The following DSCAML1 variants were observed in gnomAD, a reference collection of about 807,000 sequenced individuals.
DSCAML1 encodes the protein cell adhesion molecule DSCAML1.
Under a neutral mutation model 200.5 loss-of-function variants are expected in DSCAML1, and 38 were observed. The observed-to-expected ratio is 0.19, with a 90% confidence interval of 0.15 to 0.25. DSCAML1 has a LOEUF of 0.25. DSCAML1 is among the 10% of genes least tolerant of loss of function. The pLI is 1.00. For missense variants in DSCAML1, 2,223 were observed against 2,858.8 expected, an observed-to-expected ratio of 0.78 and a Z score of 5.07; for synonymous variants, 1,215 against 1,165.0, an observed-to-expected ratio of 1.04 and a Z score of -0.87.
chr11:117,635,242 C>T (rs946748749), intron 3 of DSCAML1, among the ~76,000 whole-genome samples: 3 of 152,128 alleles, frequency 2.0e-5, no homozygotes, highest in East Asian at 1.9e-4. Flanking sequence ...GGAGGAGGAG[C>T]GGATGGGGAG....
intron 11 of DSCAML1, among the ~76,000 whole-genome samples, chr11:117,499,720 C>T (rs932814124): frequency 2.0e-5 from 3 of 152,206 alleles, no homozygotes; most frequent in African/African-American, 7.2e-5. Flanking sequence ...TGCTTAGGCA[C>T]TCGTGAGTTC....
intron 3 of DSCAML1, among the ~76,000 whole-genome samples, chr11:117,623,217 T>TTTTC (rs1555191540): frequency 7.9e-5 from 1 of 12,694 alleles, no homozygotes; most frequent in African/African-American, 2.8e-4. Context: ...TTTTCTTTTC[T>TTTTC]TTTTTTTTTT....
chr11:117,505,461 G>T lies in DSCAML1; in HGVS notation c.2055C>A (p.Ile685=). The change falls in exon 9 of 33, where the codon ATC becomes ATA. Residue 685 remains isoleucine, a synonymous_variant. Transcript: ENST00000651296. This position sits in a 1 kb window ranked among gnomAD's most constrained non-coding sequence, Gnocchi z 6.7. The part of the protein sequence containing the change: ...AATVSRERQL[I]VRVPPRFVVQ... ...TGGCCTGTCCCTGCTCACCACGCAC[G>T]ATGAGCTGGCGCTCCCGGCTCACGG... 1 of 1,610,324 alleles carries T rather than the reference G, an allele frequency of 6.2e-7. No individual in the cohort carries two copies.
intron 20 of DSCAML1, among the ~76,000 whole-genome samples, chr11:117,447,295 C>A (rs1023120288): frequency 6.6e-6 from 1 of 151,924 alleles, no homozygotes; most frequent in Non-Finnish European, 1.5e-5. Flanking sequence ...CACATACACA[C>A]GAAAAAATGT....
chr11:117,467,191 A>ACCC (rs1428082660), intron 16 of DSCAML1, among the ~76,000 whole-genome samples: 19 of 107,958 alleles, frequency 1.8e-4, no homozygotes, highest in African/African-American at 8.7e-4. Flanking sequence ...GCGTGCACAC[A>ACCC]CACCTCCCCC....
At chr11:117,787,765 C>G (rs2055385932) in intron 1 of DSCAML1, among the ~76,000 whole-genome samples, 2 of 152,296 alleles carry the variant, frequency 1.3e-5, no homozygotes, top group East Asian at 3.9e-4. Flanking sequence ...TTGCAGTAGC[C>G]ACACAGCTTT....
intron 3 of DSCAML1, among the ~76,000 whole-genome samples, chr11:117,536,235 G>C (rs1475150641): frequency 1.3e-5 from 2 of 152,212 alleles, no homozygotes; most frequent in African/African-American, 4.8e-5. Context: ...GGGAAGGAAG[G>C]AGCAAGAGGC....
At chr11:117,712,822 TCCTCCTTGGGTACCTTATGTCTTCCCC>T (rs2053874327) in intron 3 of DSCAML1, among the ~76,000 whole-genome samples, 2 of 151,860 alleles carry the variant, frequency 1.3e-5, no homozygotes, top group Admixed American at 1.3e-4. Flanking sequence ...TGTCTTCCGC[TCCTCCTTGGGTACCTTATGTCTTCCCC>T]CCGCCTCTCT....
rs116902956 is a variant in DSCAML1, at chr11:117,528,374, A to T, written c.659-3291T>A. ...CAGGCGTGAAATTAAATTCTGAGGG[A>T]AAGAAACCTCTTCCATTACTCCAGA... On this transcript the variant is annotated intron_variant, in intron 4 of 32. Coordinates refer to ENST00000651296, the MANE Select transcript of DSCAML1 (RefSeq NM_020693.4). 8.5e-3 allele frequency among the ~76,000 whole-genome samples: 1,288 copies of T among 152,306 alleles called. 7 individuals are homozygous for T. The highest frequency in any genetic ancestry group is 0.013 in the Non-Finnish European group (870 of 68,018).
chr11:117,710,554 G>GGTTTCAAGCTCA (rs1414026553), intron 3 of DSCAML1, among the ~76,000 whole-genome samples: 1 of 152,156 alleles, frequency 6.6e-6, no homozygotes, highest in African/African-American at 2.4e-5. Context: ...GTAGTTTTCT[G>GGTTTCAAGCTCA]GTTTCAAGCT....
At chr11:117,605,897 C>T (rs774617364) in intron 3 of DSCAML1, among the ~76,000 whole-genome samples, 33 of 152,022 alleles carry the variant, frequency 2.2e-4, no homozygotes, top group Non-Finnish European at 3.4e-4. Context: ...TATCTGTCAA[C>T]GGAGGCCAAC....
chr11:117,746,715 TAGGG>T (rs1173120544), intron 3 of DSCAML1, among the ~76,000 whole-genome samples: 88 of 152,232 alleles, frequency 5.8e-4, no homozygotes, highest in African/African-American at 2.1e-3. Flanking sequence ...CCAGGGACCC[TAGGG>T]TGCTCCCCAA....
At chr11:117,687,185 T>C (rs924951442) in intron 3 of DSCAML1, among the ~76,000 whole-genome samples, 1 of 152,108 alleles carries the variant, frequency 6.6e-6, no homozygotes, top group Non-Finnish European at 1.5e-5. Context: ...GCCAAAGAGA[T>C]CACAGGTAAA....
At chr11:117,459,252 C>G (rs2048432841) in intron 18 of DSCAML1, among the ~76,000 whole-genome samples, 1 of 152,272 alleles carries the variant, frequency 6.6e-6, no homozygotes, top group Non-Finnish European at 1.5e-5. Context: ...CAACTCCCTT[C>G]CCATGGGAGA....
intron 21 of DSCAML1, among the ~76,000 whole-genome samples, chr11:117,441,637 G>A (rs7951352): frequency 2.6e-5 from 4 of 152,174 alleles, no homozygotes; most frequent in Admixed American, 2.0e-4. Context: ...GAGAGTAGAG[G>A]AGGCCCATGG....
chr11:117,438,993 G>A lies in DSCAML1; in HGVS notation c.4145-10C>T, dbSNP rs770835967. On this transcript the variant is annotated splice_polypyrimidine_tract_variant and intron_variant, in intron 23 of 32. Coordinates refer to ENST00000651296, the MANE Select transcript of DSCAML1 (RefSeq NM_020693.4). ...GGCTGGTCCGGGGGAACTGTGAGGG[G>A]AAAGCCACCACCCCTTAGCACAAGG... is the stretch of plus-strand genomic sequence containing the variant. 1 of 1,596,866 alleles carries A rather than the reference G, an allele frequency of 6.3e-7. No individual in the cohort carries two copies. Among genetic ancestry groups the A allele is most frequent in the African/African-American group, 1.4e-5 (1 of 73,918 alleles).
chr11:117,443,033 G>C (rs2048100158), intron 21 of DSCAML1, among the ~76,000 whole-genome samples: 1 of 152,204 alleles, frequency 6.6e-6, no homozygotes, highest in Non-Finnish European at 1.5e-5. Flanking sequence ...TTGTGTTTGG[G>C]CCAAGAGAAG....
intron 3 of DSCAML1, among the ~76,000 whole-genome samples, chr11:117,645,638 A>G (rs2052506181): frequency 6.6e-6 from 1 of 151,622 alleles, no homozygotes; most frequent in Non-Finnish European, 1.5e-5. Flanking sequence ...TTCTCAGCAA[A>G]CTATCGCAAG....
In DSCAML1 at chr11:117,438,945, A is replaced by T. The variant is rs767170392; in HGVS notation, c.4183T>A (p.Ser1395Thr). The T allele has an allele frequency of 1.2e-6, 2 of 1,608,638 alleles. No homozygotes were observed. The highest frequency in any genetic ancestry group is 1.7e-6 in the Non-Finnish European group (2 of 1,178,024). The change falls in exon 24 of 33, where the codon TCA (serine) becomes ACA (threonine). Residue 1395 changes from serine to threonine, a missense_variant. Transcript: ENST00000651296. The part of the protein sequence containing the change: ...DQPRLTVSKT[S>T]ASSITLTWIP... ...CAGGTCAGGGTGATGGACGAAGCTG[A>T]GGTTTTGGAGACAGTGAGGCGGGGC...
Sources: allele counts gnomAD v4.1 joint callset (sites outside exome capture counted in the v4.1 genomes callset), GRCh38; gene constraint gnomAD v4.1.1; non-coding constraint Gnocchi (gnomAD v3.1); transcripts MANE v1.5; gene names NCBI Gene and HGNC (gene_info 2026-07-23, HGNC 2026-07-21).